The following SYCE3 variants were observed in gnomAD, a reference collection of about 807,000 sequenced individuals.
SYCE3 encodes testis highly expressed gene 2 protein.
A neutral mutation model predicts 8.1 loss-of-function variants in SYCE3; 3 were observed. That is an observed-to-expected ratio of 0.37 (90% CI 0.17 to 0.96). The LOEUF is 0.96. SYCE3 is among the 40% of genes least tolerant of loss of function. The pLI is 0.41. For missense variants in SYCE3, 83 were observed against 110.0 expected (o/e 0.75, Z 1.10); for synonymous variants, 36 against 38.7 (o/e 0.93, Z 0.26).
chr22:50,560,118 G>T (rs2146598849), intron 1 of SYCE3, among the ~76,000 whole-genome samples: 1 of 152,246 alleles, frequency 6.6e-6, no homozygotes, highest in South Asian at 2.1e-4. Context: ...AGAGAAACAT[G>T]CCAGTACCTG....
At chr22:50,562,594 TGA>T (rs1403266481) in intron 1 of SYCE3, among the ~76,000 whole-genome samples, 1 of 19,342 alleles carries the variant, frequency 5.2e-5, no homozygotes, top group African/African-American at 2.7e-4. Flanking sequence ...TGAGGCGGGG[TGA>T]GGGGTGAGGG....
chr22:50,556,332 A>G lies in SYCE3; in HGVS notation c.74T>C (p.Leu25Ser), dbSNP rs941709664. Reference protein sequence around the residue: ...LKMLSDLNKDLEKLLEEMEKI... With the variant: ...LKMLSDLNKDSEKLLEEMEKI... ...CTCCATCTCTTCTAATAGCTTTTCC[A>G]AGTCCTTATTCAGATCTGACAGCAT... The change falls in exon 2 of 3, where the codon TTG becomes TCG. Residue 25 changes from leucine (L) to serine (S), a missense_variant. Leu to Ser is a moderately radical substitution (Grantham distance 145, BLOSUM62 -2). Transcript: ENST00000406915. The G allele has an allele frequency of 5.2e-6, 8 of 1,551,950 alleles. No homozygotes were observed. Among genetic ancestry groups the G allele is most frequent in the Non-Finnish European group, 7.0e-6 (8 of 1,147,058 alleles).
intron 2 of SYCE3, among the ~76,000 whole-genome samples, 166 bp from the exon 3 acceptor site, chr22:50,551,568 G>C (rs1398136044): frequency 6.6e-6 from 1 of 152,204 alleles, no homozygotes; most frequent in Non-Finnish European, 1.5e-5. Flanking sequence ...ACTTGTTACA[G>C]GCTCATAAAA....
In SYCE3 at chr22:50,551,257, C is replaced by A; in HGVS notation, c.255G>T (p.Lys85Asn). ...KNWQELLHET[K>N]QRL is the part of the protein sequence containing the mutation. ...GGGCCAGTGGGGCCTACAGCCTTTGCTTGGTCTCATGCAGCAGCTCTTGCC... is the reference window on the plus strand; with the variant it reads ...GGGCCAGTGGGGCCTACAGCCTTTGATTGGTCTCATGCAGCAGCTCTTGCC... Residue 85 changes from lysine (K) to asparagine (N), a missense_variant, in exon 3 of 3, where the codon AAG (lysine) becomes AAT (asparagine). Coordinates refer to ENST00000406915, the MANE Select transcript of SYCE3 (RefSeq NM_001123225.3). 6.4e-7 allele frequency: 1 copy of A among 1,551,358 alleles called. No individual in the cohort carries two copies. The highest frequency in any genetic ancestry group is 1.2e-5 in the South Asian group (1 of 84,068).
chr22:50,560,844 G>A (rs2069907352), intron 1 of SYCE3, among the ~76,000 whole-genome samples: 1 of 152,142 alleles, frequency 6.6e-6, no homozygotes, highest in African/African-American at 2.4e-5. Context: ...GATAGAATAA[G>A]GTAGGTAGAG....
intron 2 of SYCE3, among the ~76,000 whole-genome samples, chr22:50,552,441 A>G (rs6520151): frequency 0.017 from 2,513 of 151,978 alleles, 69 homozygotes; most frequent in African/African-American, 0.058. Context: ...TCACGAGATC[A>G]AGAGATTGAG....
chr22:50,557,718 A>G (rs6010000), intron 1 of SYCE3, among the ~76,000 whole-genome samples: 12,714 of 139,004 alleles, frequency 0.091, 1,173 homozygotes, highest in African/African-American at 0.24. Context: ...TAGTAAGAAA[A>G]GAGAGAAATA....
At chr22:50,551,449 G>C (rs1294023311) in intron 2 of SYCE3, 47 bp from the exon 3 acceptor site, 1 of 1,519,358 alleles carries the variant, frequency 6.6e-7, no homozygotes, top group Non-Finnish European at 8.8e-7. Flanking sequence ...AGGGGCTGCA[G>C]CTCTGGGGTG....
intron 2 of SYCE3, among the ~76,000 whole-genome samples, chr22:50,551,680 G>A (rs577974105): frequency 6.6e-6 from 1 of 152,340 alleles, no homozygotes; most frequent in Non-Finnish European, 1.5e-5. Context: ...GGTCTGATAC[G>A]AAATGTGAGG....
At chr22:50,556,523 C>T (rs2069861563) in intron 1 of SYCE3, 118 bp from the exon 2 acceptor site, 1 of 722,694 alleles carries the variant, frequency 1.4e-6, no homozygotes, top group African/African-American at 1.8e-5. Flanking sequence ...CAGATTCAGA[C>T]AATACCACGT....
rs369668852 is a variant in SYCE3 at position 50,551,406 on chromosome 22, C to T, written c.110-4G>A. ...TAGGCCATCCAGGTCGCCTGCACTG[C>T]AACAAGCAGACAGGACTGGTCAGGC... On this transcript the variant is annotated splice_region_variant and splice_polypyrimidine_tract_variant and intron_variant, in intron 2 of 2. Transcript: ENST00000406915. The T allele has an allele frequency of 6.5e-7, 1 of 1,548,064 alleles. No homozygotes were observed. Among genetic ancestry groups the T allele is most frequent in the African/African-American group, 1.4e-5 (1 of 73,050 alleles).
rs1232608491 is a variant in SYCE3 at position 50,551,203 on chromosome 22, C to T, written c.*42G>A. 9.1e-6 allele frequency: 14 copies of T among 1,544,578 alleles called. No homozygotes were observed. Among genetic ancestry groups the T allele is most frequent in the East Asian group, 4.9e-5 (2 of 40,836 alleles). On this transcript the variant is annotated 3_prime_UTR_variant, in exon 3 of 3. Coordinates refer to ENST00000406915, the MANE Select transcript of SYCE3 (RefSeq NM_001123225.3). ...TCCATCCCCCAGTGACCTCTTCATA[C>T]GGGCAGAGGGTGGCATGGCAGCTGT...
chr22:50,553,133 T>C (rs1274376409), intron 2 of SYCE3, among the ~76,000 whole-genome samples: 2 of 151,756 alleles, frequency 1.3e-5, no homozygotes, highest in African/African-American at 4.8e-5. Context: ...GCCTGGGAGG[T>C]GGAGGTTGCA....
intron 1 of SYCE3, among the ~76,000 whole-genome samples, chr22:50,560,845 G>T (rs1385697795): frequency 1.3e-5 from 2 of 152,144 alleles, no homozygotes; most frequent in African/African-American, 2.4e-5. Flanking sequence ...ATAGAATAAG[G>T]TAGGTAGAGG....
At chr22:50,555,914 C>T (rs2069855935) in intron 2 of SYCE3, among the ~76,000 whole-genome samples, 1 of 151,888 alleles carries the variant, frequency 6.6e-6, no homozygotes, top group Non-Finnish European at 1.5e-5. Context: ...CTGCCTCAGC[C>T]TCCCGAGTAG....
chr22:50,557,264 C>T (rs745559783), intron 1 of SYCE3, among the ~76,000 whole-genome samples: 1 of 150,254 alleles, frequency 6.7e-6, no homozygotes, highest in Non-Finnish European at 1.5e-5. Context: ...TCAAGTGATT[C>T]TCCTGCCTCA....
intron 1 of SYCE3, among the ~76,000 whole-genome samples, chr22:50,560,311 C>T (rs1260208678): frequency 3.9e-5 from 6 of 151,972 alleles, no homozygotes; most frequent in African/African-American, 1.2e-4. Flanking sequence ...CCAGCCCGGG[C>T]AACAGTCTCT....
chr22:50,556,467 T>A, intron 1 of SYCE3, 62 bp from the exon 2 acceptor site: 1 of 1,143,694 alleles, frequency 8.7e-7, no homozygotes, highest in Non-Finnish European at 1.3e-6. Flanking sequence ...CCAGCTCCAC[T>A]GGTTATAACT....
intron 2 of SYCE3, among the ~76,000 whole-genome samples, chr22:50,555,467 T>A (rs1332704305): frequency 1.3e-5 from 2 of 152,204 alleles, no homozygotes; most frequent in Non-Finnish European, 2.9e-5. Context: ...AGAAATTGGG[T>A]ATGCCTCGTT....
Sources: gnomAD v4.1 joint callset for allele counts (sites outside exome capture counted in the v4.1 genomes callset) on GRCh38, gnomAD v4.1.1 for gene constraint, MANE v1.5 for transcripts, NCBI Gene and HGNC (gene_info 2026-07-23, HGNC 2026-07-21) for gene names.